The following SOX6 variants were observed in gnomAD, a reference collection of about 807,000 sequenced individuals.
SOX6 encodes the protein SRY-box transcription factor 6.
SOX6 carries 11 observed loss-of-function variants against 97.8 expected under a neutral mutation model. That is an observed-to-expected ratio of 0.11 (90% confidence interval 0.07 to 0.19). SOX6 has a LOEUF of 0.19. SOX6 is among the 10% of genes least tolerant of loss of function. SOX6 has a pLI of 1.00. For synonymous variants in SOX6, 360 were observed against 371.4 expected (o/e 0.97, Z 0.35); for missense variants, 810 against 1,039.5 (o/e 0.78, Z 3.04).
chr11:16,485,934 AGGG>A (rs1860421473), intron 4 of SOX6, among the ~76,000 whole-genome samples: 2 of 20,776 alleles, frequency 9.6e-5, no homozygotes, highest in Non-Finnish European at 1.6e-4. Context: ...AGGGGAGGGG[AGGG>A]GAGAGGAGGG....
intron 4 of SOX6, among the ~76,000 whole-genome samples, chr11:16,504,854 G>A (rs1860760919): frequency 6.6e-6 from 1 of 152,130 alleles, no homozygotes. Context: ...GCCATGGGAA[G>A]ATGTTCCTGC....
chr11:16,601,247 T>C (rs897946134), intron 4 of SOX6, among the ~76,000 whole-genome samples: 1 of 152,196 alleles, frequency 6.6e-6, no homozygotes, highest in African/African-American at 2.4e-5. Context: ...ATATGGCCTA[T>C]CTAACCTCAT....
At chr11:16,015,921 A>G (rs550929090) in intron 12 of SOX6, among the ~76,000 whole-genome samples, 244 of 152,214 alleles carry the variant, frequency 1.6e-3, no homozygotes, top group African/African-American at 5.6e-3. Context: ...CTATGAAACA[A>G]TATTAAATGT....
At chr11:16,351,250 G>A (rs1440876665) in intron 1 of SOX6, among the ~76,000 whole-genome samples, 2 of 151,838 alleles carry the variant, frequency 1.3e-5, no homozygotes, top group African/African-American at 4.8e-5. Flanking sequence ...AATCATCAAG[G>A]TTCAAAACAT....
intron 4 of SOX6, among the ~76,000 whole-genome samples, chr11:16,549,739 T>C (rs1847661544): frequency 6.6e-6 from 1 of 152,130 alleles, no homozygotes; most frequent in Non-Finnish European, 1.5e-5. Flanking sequence ...CACACATCCA[T>C]ATATTGGAAT....
intron 1 of SOX6, among the ~76,000 whole-genome samples, chr11:16,380,006 A>G (rs1857763478): frequency 6.6e-6 from 1 of 151,820 alleles, no homozygotes; most frequent in Admixed American, 6.6e-5. Context: ...ATACCATATG[A>G]TCTCATTTTT....
intron 6 of SOX6, among the ~76,000 whole-genome samples, chr11:16,125,840 A>AAGGAAGGAAGGAAGGC (rs1849595598): frequency 6.7e-6 from 1 of 150,042 alleles, no homozygotes; most frequent in Non-Finnish European, 1.5e-5. Flanking sequence ...GGAAGGAAGG[A>AAGGAAGGAAGGAAGGC]AGGAAGGAAG....
chr11:16,012,010 G>A (rs888311923), intron 13 of SOX6, among the ~76,000 whole-genome samples: 4 of 151,866 alleles, frequency 2.6e-5, no homozygotes, highest in African/African-American at 9.7e-5. Flanking sequence ...GTTTAAAGAG[G>A]TCAAGGACAT....
chr11:16,000,715 A>AGTGTGT (rs59042959), intron 13 of SOX6, among the ~76,000 whole-genome samples: 4,451 of 151,756 alleles, frequency 0.029, 220 homozygotes, highest in African/African-American at 0.1. Context: ...AGAGGATGAC[A>AGTGTGT]GTGTGTGTGT....
At chr11:16,600,353 G>C (rs1848254255) in intron 4 of SOX6, among the ~76,000 whole-genome samples, 1 of 152,140 alleles carries the variant, frequency 6.6e-6, no homozygotes, top group South Asian at 2.1e-4. Flanking sequence ...ACTAAGCATG[G>C]TATCACTATA....
chr11:16,403,853 AG>A (rs1446878123), intron 1 of SOX6, among the ~76,000 whole-genome samples: 9 of 151,694 alleles, frequency 5.9e-5, no homozygotes, highest in African/African-American at 9.7e-5. Context: ...TAAAAAAAAA[AG>A]AATTAAAATA....
intron 3 of SOX6, among the ~76,000 whole-genome samples, chr11:16,686,721 T>C (rs1159115625): frequency 6.6e-6 from 1 of 152,192 alleles, no homozygotes; most frequent in African/African-American, 2.4e-5. Context: ...AATTCCAGAG[T>C]TGCTTCCACA....
chr11:16,663,916 C>A (rs561129797), intron 3 of SOX6, among the ~76,000 whole-genome samples: 1 of 152,168 alleles, frequency 6.6e-6, no homozygotes, highest in Non-Finnish European at 1.5e-5. Flanking sequence ...ATTTATATTT[C>A]AATTATTGAT....
chr11:16,721,074 T>C (rs775461973), intron 2 of SOX6, among the ~76,000 whole-genome samples: 8 of 152,168 alleles, frequency 5.3e-5, no homozygotes, highest in Middle Eastern at 3.2e-3. Context: ...AGGACGCGAA[T>C]GGGCCTGAGG....
chr11:16,361,690 G>A (rs1158080595), intron 1 of SOX6, among the ~76,000 whole-genome samples: 1 of 152,124 alleles, frequency 6.6e-6, no homozygotes, highest in Non-Finnish European at 1.5e-5. Context: ...AACCACCTCT[G>A]CACTGACACA....
chr11:16,480,059 A>G (rs1860318003), upstream of SOX6, among the ~76,000 whole-genome samples: 1 of 152,110 alleles, frequency 6.6e-6, no homozygotes, highest in African/African-American at 2.4e-5. Context: ...GATGGCCACA[A>G]TATATTGTTG....
At chr11:16,603,242 G>A (rs890810897) in intron 4 of SOX6, among the ~76,000 whole-genome samples, 9 of 152,170 alleles carry the variant, frequency 5.9e-5, no homozygotes, top group Non-Finnish European at 1.3e-4. Flanking sequence ...GTAACAGAGG[G>A]AAAGTCATGT....
chr11:16,018,707 G>A (rs1199279083), intron 12 of SOX6, among the ~76,000 whole-genome samples: 2 of 151,954 alleles, frequency 1.3e-5, no homozygotes, highest in Non-Finnish European at 2.9e-5. Context: ...ACGTTCCCAC[G>A]TAACAATGCT....
At chr11:16,539,687 A>C (rs980626620) in intron 4 of SOX6, among the ~76,000 whole-genome samples, 8 of 152,206 alleles carry the variant, frequency 5.3e-5, no homozygotes, top group African/African-American at 1.2e-4. Flanking sequence ...AGAATACTAT[A>C]AACACCTCTA....
Sources: allele counts gnomAD v4.1 joint callset (sites outside exome capture counted in the v4.1 genomes callset), GRCh38; gene constraint gnomAD v4.1.1; transcripts MANE v1.5; gene names NCBI Gene and HGNC (gene_info 2026-07-23, HGNC 2026-07-21).